Variants in GET4 observed in about 807,000 individuals in gnomAD.
GET4 encodes guided entry of tail-anchored proteins factor 4.
In GET4, 20 loss-of-function variants were observed where a neutral mutation model predicts 40.0. The observed-to-expected ratio is 0.50, with a 90% CI of 0.35 to 0.73. The LOEUF is 0.73. GET4 is among the 30% of genes least tolerant of loss of function. The probability of loss-of-function intolerance (pLI) is 0.01; values close to 1 mark genes in which losing one functional copy is unlikely to be tolerated. For synonymous variants in GET4, 280 were observed against 194.6 expected (o/e 1.44, Z -3.65); for missense variants, 557 against 454.0 (o/e 1.23, Z -2.06).
At chr7:887,780 C>G (rs570327746) in intron 4 of GET4, among the ~76,000 whole-genome samples, 47 of 152,354 alleles carry the variant, frequency 3.1e-4, no homozygotes, top group African/African-American at 1.0e-3. Context: ...GGGAGGCAGC[C>G]GTGCCTTCAC....
rs915943876 is a variant in GET4 at position 886,122 on chromosome 7, C to A, written c.222C>A (p.Phe74Leu). The A allele has an allele frequency of 1.9e-5, 30 of 1,604,010 alleles. No homozygotes were observed. The highest frequency in any genetic ancestry group is 2.7e-5 in the African/African-American group (2 of 74,752). ...TGTACTCGGGAGCCCTGCTCTTCTT[C>A]AGCCATGGCCAGGTAAGCCGTCTTG... The part of the protein sequence containing the change: ...ELMYSGALLF[F>L]SHGQQNSAAD... Residue 74 changes from phenylalanine to leucine, a missense_variant, in exon 2 of 9, where the codon TTC becomes TTA. Coordinates refer to ENST00000265857, the MANE Select transcript of GET4 (RefSeq NM_015949.3).
intron 8 of GET4, among the ~76,000 whole-genome samples, chr7:894,343 C>T (rs745403352): frequency 9.2e-5 from 14 of 152,276 alleles, no homozygotes; most frequent in East Asian, 3.9e-4. Flanking sequence ...GCAGTGCTGC[C>T]GTGGCTTTGG....
intron 2 of GET4, 44 bp downstream of exon 2, chr7:886,178 A>G (rs1223032364): frequency 7.9e-7 from 1 of 1,271,836 alleles, no homozygotes; most frequent in Non-Finnish European, 1.1e-6. Context: ...TGCTCCGGGC[A>G]GGCAAGTGGA....
intron 2 of GET4, 105 bp downstream of exon 2, chr7:886,239 G>A: frequency 2.6e-6 from 2 of 759,606 alleles, no homozygotes; most frequent in Non-Finnish European, 4.6e-6. Context: ...CGCTGCCCTG[G>A]GCCTCGGCCA....
At chr7:895,218 C>G (rs991525893) in intron 8 of GET4, 116 bp from the exon 9 acceptor site, 2 of 601,554 alleles carry the variant, frequency 3.3e-6, no homozygotes, top group African/African-American at 3.8e-5. Context: ...CGATGTGAGG[C>G]TTTTGCTTGT....
At chr7:883,374 GAA>G in intron 1 of GET4, 1 of 302,192 alleles carries the variant, frequency 3.3e-6, no homozygotes, top group Non-Finnish European at 4.9e-6. Context: ...TGCCAAGAGA[GAA>G]GGGCGGGATT....
At chr7:884,152 C>T in intron 1 of GET4, 1 of 1,285,240 alleles carries the variant, frequency 7.8e-7, no homozygotes, top group Non-Finnish European at 1.0e-6. Context: ...ATCCAGAACG[C>T]TGTAGTATCG....
Position 886,598 on chromosome 7 carries a change from G to A in GET4, c.264G>A (p.Leu88=), listed in dbSNP as rs1323025619. The change falls in exon 3 of 9, where the codon CTG becomes CTA. Residue 88 remains leucine, a synonymous_variant. Coordinates refer to ENST00000265857, the MANE Select transcript of GET4 (RefSeq NM_015949.3). ...QQNSAADLSM[L]VLESLEKAEV... is the part of the protein sequence containing the mutation. ...ACAGTGCAGCAGACTTGTCCATGCT[G>A]GTCCTGGAGTCCCTGGAGAAGGCGG... The A allele has an allele frequency of 1.2e-6, 2 of 1,612,908 alleles. No homozygotes were observed.
chr7:893,020 G>GTT (rs200816226), intron 6 of GET4, among the ~76,000 whole-genome samples: 1,718 of 149,292 alleles, frequency 0.012, 13 homozygotes, highest in South Asian at 0.022. Context: ...TTGCAGGTGA[G>GTT]GGGTGTAGGC....
chr7:893,406 G>A (rs1436394088), intron 6 of GET4, among the ~76,000 whole-genome samples: 2 of 141,242 alleles, frequency 1.4e-5, no homozygotes, highest in Admixed American at 7.1e-5. Flanking sequence ...GCGTGGGCGC[G>A]GTGGTGTGTG....
chr7:876,641 G>A lies in GET4; in HGVS notation c.-5G>A, dbSNP rs1051893889. On this transcript the variant is annotated 5_prime_UTR_variant, in exon 1 of 9. Coordinates refer to ENST00000265857, the MANE Select transcript of GET4 (RefSeq NM_015949.3). ...AGCGTCAGCCCTGCGCGGAGCGCCG[G>A]CCCGATGGCGGCGGCGGCGGCGATG... is the stretch of plus-strand genomic sequence containing the variant. 7 of 1,260,252 alleles carry A rather than the reference G, an allele frequency of 5.6e-6. No homozygotes were observed. In the African/African-American group the frequency reaches 1.1e-4, roughly 20 times the overall value. 78.1% of individuals were successfully genotyped at this position (1,260,252 alleles called of 1,614,324 possible). A position where few individuals can be genotyped will look rare whatever the true frequency, so the allele number is the denominator to read the frequency against.
chr7:886,235 C>T (rs1844185256), intron 2 of GET4, 101 bp downstream of exon 2: 1 of 785,200 alleles, frequency 1.3e-6, no homozygotes, highest in Non-Finnish European at 2.2e-6. Context: ...CTTGCGCTGC[C>T]CTGGGCCTCG....
Position 895,621 on chromosome 7 carries a change from GGGCGTC to G in GET4, c.*201_*206del. The stretch of plus-strand genomic sequence containing the variant: ...ACTGTGCTGCTGGGACCCAAGAGTG[GGGCGTC>G]GCCCCTGCTGGCCGCCGCGTCCCCC... On this transcript the variant is annotated 3_prime_UTR_variant, in exon 9 of 9. Coordinates refer to ENST00000265857, the MANE Select transcript of GET4 (RefSeq NM_015949.3). 2 of 438,194 alleles carry G rather than the reference GGGCGTC, an allele frequency of 4.6e-6. No homozygotes were observed. The highest frequency in any genetic ancestry group is 7.3e-5 in the East Asian group (2 of 27,352). The allele number at this position is 438,194 out of a possible 1,614,324, so 27.1% of individuals were successfully genotyped here.
chr7:877,738 G>T (rs940361042), intron 1 of GET4, among the ~76,000 whole-genome samples: 1 of 6,768 alleles, frequency 1.5e-4, no homozygotes, highest in African/African-American at 7.0e-4. Context: ...CGGCTCCACC[G>T]CCCCTCCCCC....
In GET4 at chr7:886,089, G is replaced by C; in HGVS notation, c.189G>C (p.Arg63=). 1 of 1,610,412 alleles carries C rather than the reference G, an allele frequency of 6.2e-7. No individual in the cohort carries two copies. The highest frequency in any genetic ancestry group is 8.5e-7 in the Non-Finnish European group (1 of 1,177,848). ...CCCAGAGCAAGCACACGGAGGCCCG[G>C]GAGCTCATGTACTCGGGAGCCCTGC... ...YMSQSKHTEA[R]ELMYSGALLF... The change falls in exon 2 of 9, where the codon CGG becomes CGC. Residue 63 remains arginine, a synonymous_variant. Coordinates refer to ENST00000265857, the MANE Select transcript of GET4 (RefSeq NM_015949.3).
intron 1 of GET4, among the ~76,000 whole-genome samples, chr7:879,518 C>G (rs911956206): frequency 6.6e-6 from 1 of 152,206 alleles, no homozygotes; most frequent in Non-Finnish European, 1.5e-5. Flanking sequence ...GCAGCCCGGG[C>G]TCAGGACAGT....
At position 886,405 on chromosome 7, in the gene GET4, A is replaced by T. The variant is rs1456767034; in HGVS notation, c.235-164A>T. The T allele has an allele frequency of 7.8e-6, 5 of 639,442 alleles. No homozygotes were observed. The Admixed American group carries it at 8.2e-5, about 11-fold the overall frequency. 39.6% of individuals were successfully genotyped at this position (639,442 alleles called of 1,614,324 possible). A position where few individuals can be genotyped will look rare whatever the true frequency, so the allele number is the denominator to read the frequency against. ...GTCCATTTTCATGTGATTCTCGGCCAGGAGCTCTCTTTTTCGGCGGCATTG... is the reference window on the plus strand; with the variant it reads ...GTCCATTTTCATGTGATTCTCGGCCTGGAGCTCTCTTTTTCGGCGGCATTG... On this transcript the variant is annotated intron_variant, in intron 2 of 8. Transcript: ENST00000265857.
chr7:891,597 G>C (rs1844323628), intron 5 of GET4, among the ~76,000 whole-genome samples: 1 of 152,248 alleles, frequency 6.6e-6, no homozygotes, highest in Non-Finnish European at 1.5e-5. Flanking sequence ...TCCAGGGGCT[G>C]GCCTTCGCTT....
chr7:882,590 G>T (rs1185544036), intron 1 of GET4: 1 of 150,756 alleles, frequency 6.6e-6, no homozygotes, highest in Admixed American at 6.6e-5. Context: ...GATGGCGCGG[G>T]TTGTGGGCGG....
Sources: gnomAD v4.1 joint callset for allele counts (sites outside exome capture counted in the v4.1 genomes callset) on GRCh38, gnomAD v4.1.1 for gene constraint, MANE v1.5 for transcripts, NCBI Gene and HGNC (gene_info 2026-07-23, HGNC 2026-07-21) for gene names.